Variants in PEBP4 observed in about 807,000 individuals in gnomAD.
PEBP4 encodes the protein phosphatidylethanolamine binding protein 4, also known as phosphatidylethanolamine-binding protein 4.
In PEBP4, 22 loss-of-function variants were observed where a neutral mutation model predicts 23.9. The ratio of observed to expected loss-of-function variants is 0.92; its 90% CI spans 0.66 to 1.31. The LOEUF (loss-of-function observed/expected upper bound fraction) is 1.31. Among genes scored for constraint, PEBP4 ranks in the 40% most tolerant of loss-of-function variants. The pLI is 0.00. For missense variants in PEBP4, 324 were observed against 281.7 expected (o/e 1.15, Z -1.07); for synonymous variants, 112 against 99.3 (o/e 1.13, Z -0.76).
In PEBP4 at chr8:22,727,190, C is replaced by T. The variant is rs374657831; in HGVS notation, c.388G>A (p.Gly130Ser). The T allele has an allele frequency of 4.3e-6, 7 of 1,613,930 alleles. No individual in the cohort carries two copies. The Admixed American group carries it at 5.0e-5, about 12-fold the overall frequency. Residue 130 changes from glycine (G) to serine (S), a missense_variant, in exon 5 of 7, where the codon GGC (glycine) becomes AGC (serine). Gly to Ser is a moderately conservative substitution (Grantham distance 56, BLOSUM62 0). Transcript: ENST00000256404. ...TCTTACTCACCTGATAACTCCTGGC[C>T]CTGAATCTTCCCTTTCTTCAGGTCG... ...GADLKKGKIQGQELSAYQAPS... is the reference protein window; with the variant it reads ...GADLKKGKIQSQELSAYQAPS...
chr8:22,912,423 C>A (rs2128779134), intron 3 of PEBP4, among the ~76,000 whole-genome samples: 1 of 152,256 alleles, frequency 6.6e-6, no homozygotes, highest in South Asian at 2.1e-4. Flanking sequence ...TGAATGACAC[C>A]CCCTCTCCAC....
chr8:22,731,213 C>T (rs1232632493), intron 4 of PEBP4, among the ~76,000 whole-genome samples: 1 of 152,120 alleles, frequency 6.6e-6, no homozygotes, highest in Non-Finnish European at 1.5e-5. Flanking sequence ...GTGCCTGCCT[C>T]TCCCGCCTCC....
intron 6 of PEBP4, among the ~76,000 whole-genome samples, 179 bp downstream of exon 6, chr8:22,724,664 G>C (rs530154201): frequency 5.3e-5 from 8 of 152,208 alleles, no homozygotes; most frequent in Non-Finnish European, 1.0e-4. Flanking sequence ...GACCACACCT[G>C]ATGCCAACAT....
At chr8:22,936,416 A>G (rs897672230) in intron 1 of PEBP4, among the ~76,000 whole-genome samples, 2 of 152,178 alleles carry the variant, frequency 1.3e-5, no homozygotes, top group Non-Finnish European at 2.9e-5. Flanking sequence ...AAAGAGATGG[A>G]AAGCCTGAAT....
At chr8:22,828,995 C>T (rs966717624) in intron 3 of PEBP4, among the ~76,000 whole-genome samples, 1 of 152,220 alleles carries the variant, frequency 6.6e-6, no homozygotes, top group Non-Finnish European at 1.5e-5. Flanking sequence ...ACTATGTCTA[C>T]TGGGAGTAGT....
chr8:22,920,070 AGACCC>A, intron 3 of PEBP4, 109 bp downstream of exon 3: 1 of 1,336,726 alleles, frequency 7.5e-7, no homozygotes, highest in Non-Finnish European at 1.0e-6. Flanking sequence ...TGCAGCCACC[AGACCC>A]AACCCAGATG....
At chr8:22,794,752 A>G (rs1246069319) in intron 4 of PEBP4, among the ~76,000 whole-genome samples, 3 of 152,184 alleles carry the variant, frequency 2.0e-5, no homozygotes, top group Non-Finnish European at 4.4e-5. Flanking sequence ...AGATTGGTCA[A>G]TTATTTCACT....
chr8:22,737,631 A>T (rs1804895254), intron 4 of PEBP4, among the ~76,000 whole-genome samples: 1 of 152,220 alleles, frequency 6.6e-6, no homozygotes, highest in South Asian at 2.1e-4. Context: ...GTCCAGTTAA[A>T]GCAGCCTCAG....
intron 3 of PEBP4, among the ~76,000 whole-genome samples, chr8:22,889,628 A>T (rs1192654699): frequency 6.6e-6 from 1 of 152,178 alleles, no homozygotes; most frequent in East Asian, 1.9e-4. Flanking sequence ...GCTTTTTAAC[A>T]AGCAGACAAC....
intron 3 of PEBP4, among the ~76,000 whole-genome samples, chr8:22,840,677 A>T (rs1455931894): frequency 1.3e-5 from 2 of 152,178 alleles, no homozygotes; most frequent in Non-Finnish European, 2.9e-5. Context: ...ATGTGGGGAA[A>T]ATGTGAATCA....
At chr8:22,721,080 T>C (rs1563193497) in intron 6 of PEBP4, among the ~76,000 whole-genome samples, 1 of 152,114 alleles carries the variant, frequency 6.6e-6, no homozygotes, top group Non-Finnish European at 1.5e-5. Flanking sequence ...TCCACGACCC[T>C]TGCTGTGCTC....
intron 4 of PEBP4, among the ~76,000 whole-genome samples, chr8:22,731,815 C>T (rs1294430131): frequency 2.0e-5 from 3 of 149,164 alleles, no homozygotes; most frequent in African/African-American, 4.9e-5. Flanking sequence ...CCTGCCATGG[C>T]GCCCGGCTAA....
intron 4 of PEBP4, among the ~76,000 whole-genome samples, chr8:22,755,247 C>T (rs1362256965): frequency 1.3e-5 from 2 of 149,890 alleles, no homozygotes; most frequent in Non-Finnish European, 3.0e-5. Context: ...CGGAGTGTAA[C>T]AGAAATGCCA....
chr8:22,725,759 G>C (rs1563195300), intron 5 of PEBP4, among the ~76,000 whole-genome samples: 1 of 152,174 alleles, frequency 6.6e-6, no homozygotes, highest in Non-Finnish European at 1.5e-5. Context: ...AATCTTTCTG[G>C]GTGGGTGGGA....
intron 3 of PEBP4, among the ~76,000 whole-genome samples, chr8:22,897,025 G>A (rs1459548038): frequency 8.0e-5 from 12 of 150,722 alleles, no homozygotes; most frequent in Admixed American, 1.3e-4. Context: ...ATATCTGTGT[G>A]TATGTGTGTG....
At chr8:22,801,243 A>G (rs1233886354) in intron 4 of PEBP4, among the ~76,000 whole-genome samples, 1 of 152,154 alleles carries the variant, frequency 6.6e-6, no homozygotes, top group Non-Finnish European at 1.5e-5. Context: ...CTTCAGGTTG[A>G]CAGGCATGAT....
intron 3 of PEBP4, among the ~76,000 whole-genome samples, chr8:22,859,743 G>A (rs950444928): frequency 6.6e-6 from 1 of 151,936 alleles, no homozygotes; most frequent in African/African-American, 2.4e-5. Flanking sequence ...GTCCCTCCTC[G>A]TACTTTAACT....
chr8:22,925,160 C>A (rs1809298040), intron 2 of PEBP4: 1 of 985,258 alleles, frequency 1.0e-6, no homozygotes, highest in Non-Finnish European at 1.2e-6. Context: ...AAACAAAAAT[C>A]TTCAGTGACA....
intron 4 of PEBP4, among the ~76,000 whole-genome samples, chr8:22,738,768 C>T (rs1419412421): frequency 6.6e-6 from 1 of 152,216 alleles, no homozygotes; most frequent in African/African-American, 2.4e-5. Context: ...TTCACACATG[C>T]TCACTCACAC....
Sources: gnomAD v4.1 joint callset for allele counts (sites outside exome capture counted in the v4.1 genomes callset) on GRCh38, gnomAD v4.1.1 for gene constraint, MANE v1.5 for transcripts, NCBI Gene and HGNC (gene_info 2026-07-23, HGNC 2026-07-21) for gene names.